Variants in ESRRB observed in about 807,000 individuals in gnomAD.
ESRRB encodes estrogen related receptor beta.
ESRRB carries 16 observed loss-of-function variants against 46.0 expected under a neutral mutation model. The observed-to-expected ratio is 0.35, with a 90% CI of 0.24 to 0.53. The LOEUF (loss-of-function observed/expected upper bound fraction) is 0.53. ESRRB is among the 20% of genes least tolerant of loss of function. ESRRB has a pLI of 0.93. For synonymous variants in ESRRB, 246 were observed against 259.6 expected, an observed-to-expected ratio of 0.95 and a Z score of 0.50; for missense variants, 488 against 607.4, an observed-to-expected ratio of 0.80 and a Z score of 2.07.
rs371261695 is a variant in ESRRB, at chr14:76,446,684, A to G, written c.460+6934A>G. On this transcript the variant is annotated intron_variant, in intron 2 of 6. Coordinates refer to ENST00000644823, the MANE Select transcript of ESRRB (RefSeq NM_001379180.1). ...ATTAAACATTCCGTTTATCTGATTA[A>G]TATCTTTCTGGTTAGGATCTAGTTC... 6.6e-5 allele frequency among the ~76,000 whole-genome samples: 10 copies of G among 152,324 alleles called. No individual in the cohort carries two copies. The South Asian group carries it at 1.2e-3, about 19-fold the overall frequency.
intron 1 of ESRRB, among the ~76,000 whole-genome samples, chr14:76,390,038 C>T (rs994562248): frequency 3.3e-5 from 5 of 152,120 alleles, no homozygotes; most frequent in Admixed American, 6.5e-5. Flanking sequence ...ACAGATCCGC[C>T]GTCCCCCAGC....
chr14:76,463,445 G>GTTTTGTTTTTTTTTT (rs1555342250), intron 3 of ESRRB: 1,946 of 114,296 alleles, frequency 0.017, 161 homozygotes, highest in African/African-American at 0.069. Context: ...ATGCTTCTTT[G>GTTTTGTTTTTTTTTT]TTTTTTTTTT....
At chr14:76,360,928 T>G (rs1884455103) in intron 1 of ESRRB, among the ~76,000 whole-genome samples, 2 of 152,226 alleles carry the variant, frequency 1.3e-5, no homozygotes, top group Admixed American at 1.3e-4. Flanking sequence ...GGGATTATTC[T>G]GCCTCTGACT....
intron 1 of ESRRB, among the ~76,000 whole-genome samples, chr14:76,392,079 T>A (rs901579608): frequency 6.6e-6 from 1 of 152,222 alleles, no homozygotes; most frequent in African/African-American, 2.4e-5. Context: ...TTCTGTTCTG[T>A]GTAACTGCAG....
chr14:76,345,124 C>T lies in ESRRB; in HGVS notation c.2+34208C>T, dbSNP rs957425560. The stretch of plus-strand genomic sequence containing the variant: ...CTTTGGAAAAACCCTTCTAGACATT[C>T]GCTTAGGTAAAGATTTCATGACGAA... On this transcript the variant is annotated intron_variant, in intron 1 of 6. Coordinates refer to the ESRRB transcript ENST00000512784. 7.2e-5 allele frequency among the ~76,000 whole-genome samples: 11 copies of T among 152,240 alleles called. No homozygotes were observed. In the East Asian group the frequency reaches 1.4e-3, roughly 19 times the overall value.
At chr14:76,367,391 C>T (rs1479002956), upstream of ESRRB, among the ~76,000 whole-genome samples, 1 of 151,854 alleles carries the variant, frequency 6.6e-6, no homozygotes. Flanking sequence ...CCTGTCTCTA[C>T]AAAAAATTTT....
chr14:76,334,547 T>C (rs1176039598), intron 1 of ESRRB, among the ~76,000 whole-genome samples: 2 of 152,200 alleles, frequency 1.3e-5, no homozygotes, highest in Non-Finnish European at 2.9e-5. Flanking sequence ...GGGCCTCGCC[T>C]GCGACATGCA....
intron 1 of ESRRB, among the ~76,000 whole-genome samples, chr14:76,421,634 G>A (rs1886958516): frequency 6.6e-6 from 1 of 152,190 alleles, no homozygotes; most frequent in Non-Finnish European, 1.5e-5. Context: ...ATGCAGTGAA[G>A]TGTAATGACA....
chr14:76,495,508 T>C (rs1465212584), intron 6 of ESRRB: 1 of 150,620 alleles, frequency 6.6e-6, no homozygotes, highest in Non-Finnish European at 1.5e-5. Context: ...GCCCTCTTGC[T>C]ATCAAGTAGA....
chr14:76,423,638 G>A (rs2139894544), intron 1 of ESRRB, among the ~76,000 whole-genome samples: 1 of 152,224 alleles, frequency 6.6e-6, no homozygotes, highest in African/African-American at 2.4e-5. Flanking sequence ...CATCCTGAGG[G>A]AGTGCAGGCC....
chr14:76,421,433 C>T lies in ESRRB; in HGVS notation c.51-17908C>T, dbSNP rs544315810. ...AGTAAATAAGCTTATATATGTAAAG[C>T]GCTTTGCACATAGCAAGTGCTTAAA... On this transcript the variant is annotated intron_variant, in intron 1 of 6. Transcript: ENST00000644823. Among the ~76,000 whole-genome samples the T allele has an allele frequency of 2.0e-3, 312 of 152,256 alleles. 1 individual carries two copies. Among genetic ancestry groups the T allele is most frequent in the Middle Eastern group, 0.01 (3 of 294 alleles).
chr14:76,334,383 C>A (rs1461598326), intron 1 of ESRRB, among the ~76,000 whole-genome samples: 1 of 152,148 alleles, frequency 6.6e-6, no homozygotes, highest in Non-Finnish European at 1.5e-5. Context: ...GGGTACGAAT[C>A]CTGGGCGGAG....
intron 2 of ESRRB, among the ~76,000 whole-genome samples, chr14:76,455,152 G>A (rs983955659): frequency 3.9e-5 from 6 of 152,168 alleles, no homozygotes; most frequent in African/African-American, 1.4e-4. Context: ...GGGAGGCGGA[G>A]GCTGCAGTGA....
intron 1 of ESRRB, among the ~76,000 whole-genome samples, chr14:76,324,963 CTTTTTTTTTT>C (rs34780208): frequency 0.11 from 10,986 of 102,456 alleles, 619 homozygotes; most frequent in East Asian, 0.33. Flanking sequence ...TTTTCTTTTT[CTTTTTTTTTT>C]TTTTTTTTTT....
At chr14:76,461,187 G>T (rs550135316) in intron 2 of ESRRB, among the ~76,000 whole-genome samples, 1 of 152,222 alleles carries the variant, frequency 6.6e-6, no homozygotes, top group Non-Finnish European at 1.5e-5. Context: ...CAGGAAGAGC[G>T]CTGGAAGGTC....
At chr14:76,423,594 G>T (rs1004262049) in intron 1 of ESRRB, among the ~76,000 whole-genome samples, 6 of 152,150 alleles carry the variant, frequency 3.9e-5, no homozygotes, top group Non-Finnish European at 7.3e-5. Flanking sequence ...CTCGGACCTT[G>T]ATCCTGTCCT....
chr14:76,495,723 T>C (rs1890401268), intron 6 of ESRRB: 1 of 152,050 alleles, frequency 6.6e-6, no homozygotes, highest in Admixed American at 6.5e-5. Context: ...TACGGACAGA[T>C]CATTTTGTAA....
intron 5 of ESRRB, among the ~76,000 whole-genome samples, chr14:76,486,511 G>T (rs1397312314): frequency 6.6e-6 from 1 of 151,890 alleles, no homozygotes; most frequent in East Asian, 1.9e-4. Flanking sequence ...CGACAGAAAC[G>T]ATCATAAATT....
chr14:76,366,603 G>A (rs944912032), upstream of ESRRB, among the ~76,000 whole-genome samples: 14 of 152,302 alleles, frequency 9.2e-5, no homozygotes, highest in Middle Eastern at 3.4e-3. Flanking sequence ...GTGTGTGCAC[G>A]TGAAGGGGAG....
Sources: gnomAD v4.1 joint callset for allele counts (sites outside exome capture counted in the v4.1 genomes callset) on GRCh38, gnomAD v4.1.1 for gene constraint, MANE v1.5 for transcripts, NCBI Gene and HGNC (gene_info 2026-07-23, HGNC 2026-07-21) for gene names.